SVEP1: variants seen among roughly 807,000 people sequenced by gnomAD.
SVEP1 encodes the protein sushi, von Willebrand factor type A, EGF and pentraxin domain-containing protein 1.
A neutral mutation model predicts 367.3 loss-of-function variants in SVEP1; 164 were observed. The ratio of observed to expected loss-of-function variants is 0.45; its 90% CI spans 0.39 to 0.51. The LOEUF (loss-of-function observed/expected upper bound fraction) is 0.51, where lower values mean the gene tolerates loss of function less well. Ranked by LOEUF, SVEP1 falls within the 20% of genes least tolerant of loss-of-function variation. The pLI is 0.00. For missense variants in SVEP1, 4,117 were observed against 4,425.3 expected, an observed-to-expected ratio of 0.93 and a Z score of 1.98; for synonymous variants, 1,666 against 1,611.6, an observed-to-expected ratio of 1.03 and a Z score of -0.81.
intron 1 of SVEP1, among the ~76,000 whole-genome samples, chr9:110,556,467 GA>G (rs1261516662): frequency 6.6e-6 from 1 of 152,094 alleles, no homozygotes; most frequent in African/African-American, 2.4e-5. Flanking sequence ...ACTAACTAGA[GA>G]CGCTAATAAA....
chr9:110,372,393 G>A (rs1217961703), intron 46 of SVEP1, among the ~76,000 whole-genome samples: 1 of 152,160 alleles, frequency 6.6e-6, no homozygotes, highest in African/African-American at 2.4e-5. Context: ...TATGGTTGTG[G>A]TATGCTTAGT....
At chr9:110,424,086 G>T (rs1343178500) in intron 36 of SVEP1, among the ~76,000 whole-genome samples, 4 of 152,184 alleles carry the variant, frequency 2.6e-5, no homozygotes, top group Non-Finnish European at 5.9e-5. Context: ...GGGAGCATTT[G>T]GTACTATCTT....
At chr9:110,388,017 TATAGCAACTCTGAG>T (rs1246894433) in intron 41 of SVEP1, among the ~76,000 whole-genome samples, 1 of 152,226 alleles carries the variant, frequency 6.6e-6, no homozygotes, top group Non-Finnish European at 1.5e-5. Context: ...CAACCTTACT[TATAGCAACTCTGAG>T]ATTATCTCAT....
chr9:110,525,560 A>G (rs1469584067), intron 3 of SVEP1, among the ~76,000 whole-genome samples: 1 of 152,188 alleles, frequency 6.6e-6, no homozygotes, highest in African/African-American at 2.4e-5. Context: ...TTTTAAATGT[A>G]GACAATATTC....
intron 46 of SVEP1, among the ~76,000 whole-genome samples, chr9:110,371,428 A>G (rs1200549147): frequency 1.3e-5 from 2 of 152,056 alleles, no homozygotes; most frequent in Non-Finnish European, 2.9e-5. Context: ...TGTCTTCTGC[A>G]GTGTTATTTT....
At chr9:110,440,465 C>T (rs1315927392) in intron 27 of SVEP1, among the ~76,000 whole-genome samples, 1 of 152,132 alleles carries the variant, frequency 6.6e-6, no homozygotes, top group African/African-American at 2.4e-5. Context: ...TCGACAATAC[C>T]AGGCACTGGA....
In SVEP1 at chr9:110,401,173, A is replaced by C. The variant is rs146119139; in HGVS notation, c.9667-164T>G. On this transcript the variant is annotated intron_variant, in intron 39 of 47. Transcript: ENST00000374469. ...TACTTATTATATGTGGGCTTAAAAA[A>C]CACACTTTAATTATTAGATGGTCTT... Among the ~76,000 whole-genome samples the C allele has an allele frequency of 8.7e-3, 1,325 of 152,306 alleles. 24 individuals carry two copies. Among genetic ancestry groups the C allele is most frequent in the African/African-American group, 0.031 (1,271 of 41,570 alleles).
At chr9:110,431,864 T>C in intron 32 of SVEP1, 51 bp downstream of exon 32, 2 of 1,606,714 alleles carry the variant, frequency 1.2e-6, no homozygotes, top group Non-Finnish European at 1.7e-6. Context: ...AAATATGTAC[T>C]TGAATAAAAG....
At chr9:110,416,841 A>G (rs1471054213) in intron 36 of SVEP1, among the ~76,000 whole-genome samples, 3 of 152,046 alleles carry the variant, frequency 2.0e-5, no homozygotes, top group Non-Finnish European at 2.9e-5. Flanking sequence ...TGGACCAGAT[A>G]CTTCTTAGTT....
At chr9:110,480,247 A>G (rs997701757) in intron 12 of SVEP1, among the ~76,000 whole-genome samples, 1 of 152,190 alleles carries the variant, frequency 6.6e-6, no homozygotes, top group Non-Finnish European at 1.5e-5. Flanking sequence ...TGCATGGTAG[A>G]CTTTGCAAAA....
In SVEP1 at chr9:110,528,162, A is replaced by G. The variant is rs142560743; in HGVS notation, c.965-14056T>C. Among the ~76,000 whole-genome samples the G allele has an allele frequency of 1.0e-3, 84 of 83,218 alleles. 1 individual carries two copies. The highest frequency in any genetic ancestry group is 1.3e-3 in the African/African-American group (30 of 22,290). 54.6% of individuals were successfully genotyped at this position (83,218 alleles called of 152,430 possible). A position where few individuals can be genotyped will look rare whatever the true frequency, so the allele number is the denominator to read the frequency against. ...TGTGTGTGTGTGTGTGTGTGTATAT[A>G]TATATATATATATATATATATATAT... On this transcript the variant is annotated intron_variant, in intron 3 of 47. Coordinates refer to ENST00000374469, the MANE Select transcript of SVEP1 (RefSeq NM_153366.4).
Position 110,505,216 on chromosome 9 carries a change from G to A in SVEP1, c.1304-1999C>T, listed in dbSNP as rs560779228. ...TTCCAGCCTCTGCAGGTTCCCCAAC[G>A]ATGTCTGTGTTCTGAGTTTTCCTGG... On this transcript the variant is annotated intron_variant, in intron 5 of 47. Coordinates refer to ENST00000374469, the MANE Select transcript of SVEP1 (RefSeq NM_153366.4). Among the ~76,000 whole-genome samples, 10 of 152,218 alleles carry A rather than the reference G, an allele frequency of 6.6e-5. No homozygotes were observed. In the East Asian group the frequency reaches 1.9e-3, roughly 29 times the overall value.
In SVEP1 at chr9:110,494,912, CTCT is replaced by C. The variant is rs1829422587; in HGVS notation, c.1800+1900_1800+1902del. On this transcript the variant is annotated intron_variant, in intron 8 of 47. Coordinates refer to ENST00000374469, the MANE Select transcript of SVEP1 (RefSeq NM_153366.4). Reference sequence around the variant, plus strand: ...TTCACACAGTAGTGCAGATTAATCTCTCTATAAGTTTATGATCACAAAACTCAA... The same window carrying C: ...TTCACACAGTAGTGCAGATTAATCTCATAAGTTTATGATCACAAAACTCAA... Among the ~76,000 whole-genome samples the C allele has an allele frequency of 3.1e-4, 47 of 152,190 alleles. 1 individual carries two copies. The highest frequency in any genetic ancestry group is 2.8e-3 in the Admixed American group (43 of 15,276).
intron 1 of SVEP1, among the ~76,000 whole-genome samples, chr9:110,552,800 G>T (rs1830307386): frequency 6.6e-6 from 1 of 152,148 alleles, no homozygotes; most frequent in South Asian, 2.1e-4. Flanking sequence ...CCTGGGTACT[G>T]GGGCCCCCTG....
chr9:110,438,341 C>A, intron 27 of SVEP1, among the ~76,000 whole-genome samples: 1 of 151,918 alleles, frequency 6.6e-6, no homozygotes, highest in East Asian at 1.9e-4. Flanking sequence ...CAGGTATGCA[C>A]CACCATATCC....
intron 42 of SVEP1, among the ~76,000 whole-genome samples, chr9:110,386,303 T>TAATGC (rs1463080714): frequency 2.0e-5 from 3 of 152,212 alleles, no homozygotes; most frequent in African/African-American, 7.2e-5. Context: ...ATTCAACCAC[T>TAATGC]AATGCAAGGT....
At position 110,412,856 on chromosome 9, in the gene SVEP1, A is replaced by G. The variant is rs1828064088; in HGVS notation, c.5976-1121T>C. 2.0e-5 allele frequency among the ~76,000 whole-genome samples: 3 copies of G among 152,200 alleles called. No homozygotes were observed. The South Asian group carries it at 6.2e-4, about 32-fold the overall frequency. On this transcript the variant is annotated intron_variant, in intron 36 of 47. Coordinates refer to ENST00000374469, the MANE Select transcript of SVEP1 (RefSeq NM_153366.4). ...CCACAATGAGATACCATCTCACGGC[A>G]GTTAGAATGGCAATCATTAAAAAGT... is the stretch of plus-strand genomic sequence containing the variant.
intron 10 of SVEP1, 24 bp downstream of exon 10, chr9:110,483,562 A>T: frequency 6.4e-7 from 1 of 1,565,252 alleles, no homozygotes; most frequent in Non-Finnish European, 8.7e-7. Context: ...TACTATGCTG[A>T]CAACAAAGTC....
chr9:110,496,688 G>A (rs1488273459), intron 8 of SVEP1, 127 bp downstream of exon 8: 2 of 611,366 alleles, frequency 3.3e-6, no homozygotes, highest in African/African-American at 3.7e-5. Context: ...TATCCTATTA[G>A]TTCTGTCCCT....
Sources: gnomAD v4.1 joint callset for allele counts (sites outside exome capture counted in the v4.1 genomes callset) on GRCh38, gnomAD v4.1.1 for gene constraint, MANE v1.5 for transcripts, NCBI Gene and HGNC (gene_info 2026-07-23, HGNC 2026-07-21) for gene names.